The following DCC variants were observed in gnomAD, a reference collection of about 807,000 sequenced individuals.
DCC encodes netrin receptor DCC.
DCC carries 58 observed loss-of-function variants against 172.5 expected under a neutral mutation model. That is an observed-to-expected ratio of 0.34 (90% CI 0.27 to 0.42). The LOEUF is 0.42. DCC is among the 10% of genes least tolerant of loss of function. DCC has a pLI of 1.00. For synonymous variants in DCC, 709 were observed against 644.5 expected (o/e 1.10, Z -1.52); for missense variants, 1,740 against 1,791.0 (o/e 0.97, Z 0.51).
intron 15 of DCC, among the ~76,000 whole-genome samples, chr18:53,380,906 A>G (rs2144980585): frequency 1.3e-5 from 2 of 152,314 alleles, no homozygotes; most frequent in Middle Eastern, 6.8e-3. Flanking sequence ...TAAGATGTGC[A>G]CAGCATAGTA....
chr18:52,602,340 C>G (rs1000146407), intron 1 of DCC, among the ~76,000 whole-genome samples: 1 of 151,382 alleles, frequency 6.6e-6, no homozygotes, highest in Non-Finnish European at 1.5e-5. Context: ...GGTCTTCTAC[C>G]TTATCTCTTA....
At chr18:53,466,122 G>C (rs539579680) in intron 24 of DCC, among the ~76,000 whole-genome samples, 2 of 152,088 alleles carry the variant, frequency 1.3e-5, no homozygotes, top group Non-Finnish European at 2.9e-5. Context: ...TGTTTTTAGA[G>C]ATGGGGTCTC....
chr18:53,114,404 G>A (rs1598815717), intron 7 of DCC, among the ~76,000 whole-genome samples: 1 of 151,688 alleles, frequency 6.6e-6, no homozygotes. Context: ...ATCAGTACTT[G>A]CATATTTTAA....
At chr18:52,906,625 G>A (rs1163610279) in intron 3 of DCC, among the ~76,000 whole-genome samples, 2 of 151,152 alleles carry the variant, frequency 1.3e-5, no homozygotes, top group Non-Finnish European at 2.9e-5. Context: ...CCATTGATAA[G>A]CATTTCTCAC....
chr18:52,998,093 AAAATTAAAATT>A (rs1428615661), intron 5 of DCC, among the ~76,000 whole-genome samples: 1 of 148,584 alleles, frequency 6.7e-6, no homozygotes, highest in Non-Finnish European at 1.5e-5. Context: ...AATTAAAATT[AAAATTAAAATT>A]AAATTAAAAG....
At chr18:53,324,584 G>T (rs1000129845) in intron 14 of DCC, among the ~76,000 whole-genome samples, 1 of 152,032 alleles carries the variant, frequency 6.6e-6, no homozygotes, top group African/African-American at 2.4e-5. Flanking sequence ...GAAGCCATGC[G>T]AATAGGTCAG....
intron 1 of DCC, among the ~76,000 whole-genome samples, chr18:52,611,502 G>T (rs2034276752): frequency 6.6e-6 from 1 of 152,154 alleles, no homozygotes; most frequent in African/African-American, 2.4e-5. Flanking sequence ...AGCAGGTGCT[G>T]GTGGGTAAAA....
chr18:53,199,761 T>C (rs1450880989), intron 9 of DCC, among the ~76,000 whole-genome samples: 1 of 152,094 alleles, frequency 6.6e-6, no homozygotes, highest in Non-Finnish European at 1.5e-5. Flanking sequence ...TAAACACATA[T>C]CTAACAAGCA....
At chr18:53,226,118 A>G (rs73957110) in intron 12 of DCC, among the ~76,000 whole-genome samples, 6,266 of 152,302 alleles carry the variant, frequency 0.041, 407 homozygotes, top group African/African-American at 0.14. Flanking sequence ...GTAGCAGCAC[A>G]GGGACTTGAG....
At chr18:52,532,392 G>A (rs1396554075) in intron 1 of DCC, among the ~76,000 whole-genome samples, 1 of 152,110 alleles carries the variant, frequency 6.6e-6, no homozygotes, top group East Asian at 1.9e-4. Flanking sequence ...ACCAAAATAA[G>A]TTCAAGACTC....
intron 12 of DCC, among the ~76,000 whole-genome samples, chr18:53,286,189 G>A (rs1483391151): frequency 6.6e-6 from 1 of 152,064 alleles, no homozygotes; most frequent in East Asian, 1.9e-4. Flanking sequence ...GATTTTTGAG[G>A]GGCCGGGGGT....
At position 52,608,297 on chromosome 18, in the gene DCC, T is replaced by C. The variant is rs539985942; in HGVS notation, c.92-143757T>C. Among the ~76,000 whole-genome samples the C allele has an allele frequency of 2.6e-5, 4 of 152,264 alleles. No homozygotes were observed. The South Asian group carries it at 8.3e-4, about 32-fold the overall frequency. On this transcript the variant is annotated intron_variant, in intron 1 of 28. Coordinates refer to ENST00000442544, the MANE Select transcript of DCC (RefSeq NM_005215.4). Reference sequence around the variant, plus strand: ...GGGGATAAATACACAACAGACCTTGTTTTGAACACCTTATATTCAGCTTGA... The same window carrying C: ...GGGGATAAATACACAACAGACCTTGCTTTGAACACCTTATATTCAGCTTGA...
At chr18:53,517,805 T>TTAAAG (rs1376705629) in intron 27 of DCC, among the ~76,000 whole-genome samples, 2 of 152,142 alleles carry the variant, frequency 1.3e-5, no homozygotes, top group African/African-American at 2.4e-5. Flanking sequence ...TTTATCACCC[T>TTAAAG]TAAAGTACAA....
intron 1 of DCC, among the ~76,000 whole-genome samples, chr18:52,706,758 T>C (rs2036218109): frequency 6.6e-6 from 1 of 152,194 alleles, no homozygotes; most frequent in African/African-American, 2.4e-5. Flanking sequence ...TGAAACATGA[T>C]AGGCACTGCC....
intron 2 of DCC, among the ~76,000 whole-genome samples, chr18:52,774,412 G>A (rs2145171845): frequency 6.6e-6 from 1 of 152,332 alleles, no homozygotes; most frequent in African/African-American, 2.4e-5. Context: ...ATGAGGAAGT[G>A]GGGATATTAA....
intron 1 of DCC, among the ~76,000 whole-genome samples, chr18:52,413,308 C>T (rs190025034): frequency 6.6e-6 from 1 of 150,788 alleles, no homozygotes; most frequent in East Asian, 2.0e-4. Flanking sequence ...AAAAAGAAAA[C>T]AGCTAACAAT....
At chr18:52,674,501 C>T (rs1036642606) in intron 1 of DCC, among the ~76,000 whole-genome samples, 1 of 152,248 alleles carries the variant, frequency 6.6e-6, no homozygotes, top group African/African-American at 2.4e-5. Flanking sequence ...CCAGAAACAC[C>T]TTCACAGACA....
intron 1 of DCC, among the ~76,000 whole-genome samples, chr18:52,625,060 G>C (rs1219852918): frequency 1.3e-5 from 2 of 152,080 alleles, no homozygotes; most frequent in Non-Finnish European, 2.9e-5. Flanking sequence ...AACCTGTACA[G>C]CTTGTTACTG....
chr18:52,644,617 T>G lies in DCC; in HGVS notation c.92-107437T>G, dbSNP rs2034975570. On this transcript the variant is annotated intron_variant, in intron 1 of 28. Transcript: ENST00000442544. ...AAAAATTAGTGTGTAGAGTCAGATG[T>G]GGTGGCTCCAGCCTATAATTCCAGT... 1.6e-4 allele frequency among the ~76,000 whole-genome samples: 24 copies of G among 149,044 alleles called. No homozygotes were observed. The South Asian group carries it at 5.1e-3, about 32-fold the overall frequency.
Sources: allele counts gnomAD v4.1 joint callset (sites outside exome capture counted in the v4.1 genomes callset), GRCh38; gene constraint gnomAD v4.1.1; transcripts MANE v1.5; gene names NCBI Gene and HGNC (gene_info 2026-07-23, HGNC 2026-07-21).